Variants in CA13 observed in about 807,000 individuals in gnomAD.
CA13 encodes the protein carbonic anhydrase 13.
A neutral mutation model predicts 31.5 loss-of-function variants in CA13; 21 were observed. The observed-to-expected ratio is 0.67, with a 90% CI of 0.47 to 0.96. The LOEUF is 0.96. Ranked by LOEUF, CA13 falls within the 40% of genes least tolerant of loss-of-function variation. The pLI is 0.00. For missense variants in CA13, 315 were observed against 318.9 expected, an observed-to-expected ratio of 0.99 and a Z score of 0.09; for synonymous variants, 117 against 111.4, an observed-to-expected ratio of 1.05 and a Z score of -0.32.
intron 1 of CA13, among the ~76,000 whole-genome samples, chr8:85,248,193 C>T (rs1305214520): frequency 6.6e-6 from 1 of 152,144 alleles, no homozygotes; most frequent in East Asian, 1.9e-4. Flanking sequence ...CACGGTGGCT[C>T]ATGCCTGTAA....
chr8:85,253,254 T>TATTG (rs1229850897), intron 2 of CA13, among the ~76,000 whole-genome samples: 1 of 142,462 alleles, frequency 7.0e-6, no homozygotes, highest in Non-Finnish European at 1.5e-5. Flanking sequence ...CTTTTTTTCT[T>TATTG]ATTTATTTAT....
intron 1 of CA13, among the ~76,000 whole-genome samples, chr8:85,249,170 C>G (rs778176131): frequency 6.6e-6 from 1 of 152,038 alleles, no homozygotes; most frequent in Non-Finnish European, 1.5e-5. Flanking sequence ...TGTGAGTTCT[C>G]TTTTGCAAAA....
At chr8:85,254,702 A>G (rs1292359209) in intron 2 of CA13, among the ~76,000 whole-genome samples, 4 of 151,970 alleles carry the variant, frequency 2.6e-5, no homozygotes, top group Non-Finnish European at 4.4e-5. Flanking sequence ...AGATAAACCA[A>G]AAGAGATTGT....
At chr8:85,256,733 G>C (rs1169635848) in intron 2 of CA13, among the ~76,000 whole-genome samples, 3 of 152,116 alleles carry the variant, frequency 2.0e-5, no homozygotes, top group Non-Finnish European at 4.4e-5. Flanking sequence ...ACTAGACTAA[G>C]TTTCTTAAGG....
At chr8:85,281,141 G>T in intron 6 of CA13, 89 bp from the exon 7 acceptor site, 2 of 1,465,784 alleles carry the variant, frequency 1.4e-6, no homozygotes, top group Admixed American at 2.1e-5. Flanking sequence ...TTTTGTTCCT[G>T]GTTATAGATA....
At chr8:85,267,734 A>G (rs1200637771) in intron 4 of CA13, among the ~76,000 whole-genome samples, 168 bp from the exon 5 acceptor site, 1 of 152,240 alleles carries the variant, frequency 6.6e-6, no homozygotes, top group African/African-American at 2.4e-5. Context: ...TCCTTCTGGC[A>G]TGATAAGGCT....
At chr8:85,276,349 G>A (rs1807607711) in intron 6 of CA13, among the ~76,000 whole-genome samples, 1 of 152,138 alleles carries the variant, frequency 6.6e-6, no homozygotes, top group African/African-American at 2.4e-5. Flanking sequence ...TTCCCCAAAC[G>A]ATCGCTGCCC....
intron 6 of CA13, among the ~76,000 whole-genome samples, chr8:85,277,580 A>C (rs1308971422): frequency 3.3e-5 from 5 of 152,300 alleles, no homozygotes; most frequent in Non-Finnish European, 7.4e-5. Context: ...AACAGCTCAG[A>C]GGGGCTGCTG....
chr8:85,273,468 C>T (rs1807554670), intron 6 of CA13, among the ~76,000 whole-genome samples: 1 of 152,062 alleles, frequency 6.6e-6, no homozygotes, highest in Non-Finnish European at 1.5e-5. Context: ...CCTGTAATCC[C>T]ACTGAAAGAT....
chr8:85,270,076 G>T (rs1199984270), intron 6 of CA13, among the ~76,000 whole-genome samples: 3 of 152,212 alleles, frequency 2.0e-5, no homozygotes, highest in Non-Finnish European at 4.4e-5. Context: ...GAACCATGGG[G>T]CTGGCCAATC....
At chr8:85,277,147 C>G (rs1288449983) in intron 6 of CA13, among the ~76,000 whole-genome samples, 1 of 152,168 alleles carries the variant, frequency 6.6e-6, no homozygotes, top group Admixed American at 6.5e-5. Context: ...AGTGGCAACC[C>G]ACTGAGGTCT....
At chr8:85,257,298 C>A (rs1457363974) in intron 2 of CA13, among the ~76,000 whole-genome samples, 1 of 152,130 alleles carries the variant, frequency 6.6e-6, no homozygotes. Context: ...GAATTTGTAT[C>A]CTAATTAGCA....
At chr8:85,279,139 C>A (rs1472962615) in intron 6 of CA13, among the ~76,000 whole-genome samples, 1 of 152,146 alleles carries the variant, frequency 6.6e-6, no homozygotes, top group Non-Finnish European at 1.5e-5. Flanking sequence ...ATTAAAATTT[C>A]AGTATTAGAG....
In CA13 at chr8:85,282,927, GT is replaced by G. The variant is rs56713266; in HGVS notation, c.*1588del. On this transcript the variant is annotated 3_prime_UTR_variant, in exon 7 of 7. Coordinates refer to ENST00000321764, the MANE Select transcript of CA13 (RefSeq NM_198584.3). ...CTTCCTCTGGATGTAGTTTTTTTTT[GT>G]TTTTTTTTTGTTTTTGGACGGAGTC... 0.6 allele frequency: 89,760 copies of G among 148,476 alleles called. 27,349 individuals carry two copies. Among genetic ancestry groups the G allele is most frequent in the Non-Finnish European group, 0.65 (43,152 of 66,874 alleles). 9.2% of individuals were successfully genotyped at this position (148,476 alleles called of 1,614,324 possible). A position where few individuals can be genotyped will look rare whatever the true frequency, so the allele number is the denominator to read the frequency against.
At chr8:85,252,776 T>C (rs1243360425) in intron 2 of CA13, among the ~76,000 whole-genome samples, 1 of 152,180 alleles carries the variant, frequency 6.6e-6, no homozygotes, top group African/African-American at 2.4e-5. Context: ...ATAGTTAATT[T>C]TTAAAAATCC....
intron 1 of CA13, 151 bp from the exon 2 acceptor site, chr8:85,250,589 A>C (rs1414677472): frequency 1.1e-5 from 6 of 564,024 alleles, no homozygotes; most frequent in Admixed American, 3.5e-5. Context: ...GTAAAAAAAA[A>C]CAATTAGATG....
intron 6 of CA13, 41 bp downstream of exon 6, chr8:85,268,668 G>A (rs1807488509): frequency 1.4e-6 from 2 of 1,453,696 alleles, no homozygotes; most frequent in African/African-American, 1.6e-5. Context: ...TCCCTCAGAG[G>A]AAACTGGGCT....
At chr8:85,280,006 G>A (rs978939000) in intron 6 of CA13, among the ~76,000 whole-genome samples, 1 of 152,056 alleles carries the variant, frequency 6.6e-6, no homozygotes, top group Non-Finnish European at 1.5e-5. Context: ...AAATGGCCGG[G>A]TGCAGTGGCT....
At position 85,268,519 on chromosome 8, in the gene CA13, A is replaced by C. The variant is rs757162954; in HGVS notation, c.561A>C (p.Pro187=). Residue 187 remains proline (P), a synonymous_variant, in exon 6 of 7, where the codon CCA becomes CCC. Coordinates refer to ENST00000321764, the MANE Select transcript of CA13 (RefSeq NM_198584.3). ...ATTTTGACCTATTGTCTCTGCTTCC[A>C]CCATCCTGGGACTACTGGACATATC... ...FTNFDLLSLL[P]PSWDYWTYPG... The C allele has an allele frequency of 7.5e-5, 121 of 1,613,972 alleles. 1 individual carries two copies. The Admixed American group carries it at 2.0e-3, about 26-fold the overall frequency.
Sources: gnomAD v4.1 joint callset for allele counts (sites outside exome capture counted in the v4.1 genomes callset) on GRCh38, gnomAD v4.1.1 for gene constraint, MANE v1.5 for transcripts, NCBI Gene and HGNC (gene_info 2026-07-23, HGNC 2026-07-21) for gene names.